RAB31: variants seen among roughly 807,000 people sequenced by gnomAD.
The protein encoded by RAB31 is ras-related protein Rab-31.
In RAB31, 21 loss-of-function variants were observed where a neutral mutation model predicts 25.6. The ratio of observed to expected loss-of-function variants is 0.82; its 90% CI spans 0.58 to 1.18. The LOEUF (loss-of-function observed/expected upper bound fraction) is 1.18, where lower values mean the gene tolerates loss of function less well. Among genes scored for constraint, RAB31 ranks in the 50% most tolerant of loss-of-function variants. The probability of loss-of-function intolerance (pLI) is 0.00; values close to 1 mark genes in which losing one functional copy is unlikely to be tolerated. For missense variants in RAB31, 196 were observed against 250.1 expected, an observed-to-expected ratio of 0.78 and a Z score of 1.46; for synonymous variants, 87 against 84.0, an observed-to-expected ratio of 1.04 and a Z score of -0.20.
chr18:9,814,140 C>CTA, intron 4 of RAB31, 49 bp downstream of exon 4: 2 of 1,381,266 alleles, frequency 1.4e-6, no homozygotes, highest in Non-Finnish European at 2.0e-6. Flanking sequence ...GTGGTTCTCT[C>CTA]ACTTAGAGAG....
At chr18:9,827,235 C>T (rs2068654321) in intron 5 of RAB31, among the ~76,000 whole-genome samples, 1 of 151,958 alleles carries the variant, frequency 6.6e-6, no homozygotes, top group East Asian at 1.9e-4. Context: ...TGAAATTCCA[C>T]CTCTCACTGG....
chr18:9,741,665 C>T (rs1385120847), intron 1 of RAB31, among the ~76,000 whole-genome samples: 1 of 152,186 alleles, frequency 6.6e-6, no homozygotes, highest in Non-Finnish European at 1.5e-5. Flanking sequence ...ATGTCCATGG[C>T]AGCCCTCGGC....
chr18:9,742,841 T>G (rs1599020538), intron 1 of RAB31, among the ~76,000 whole-genome samples: 1 of 152,314 alleles, frequency 6.6e-6, no homozygotes, highest in Non-Finnish European at 1.5e-5. Context: ...CGGCAGCAAG[T>G]GGCAGAGGGG....
intron 1 of RAB31, chr18:9,774,779 T>C (rs549064925): frequency 8.0e-6 from 4 of 497,516 alleles, no homozygotes; most frequent in South Asian, 5.9e-5. Context: ...AATTTGGAAG[T>C]TATTACCCAA....
intron 1 of RAB31, among the ~76,000 whole-genome samples, chr18:9,750,476 C>T (rs992447933): frequency 6.6e-6 from 1 of 152,170 alleles, no homozygotes; most frequent in Non-Finnish European, 1.5e-5. Flanking sequence ...GGAAGTCATT[C>T]TTAAATATAT....
chr18:9,857,006 G>A (rs1415094876), intron 6 of RAB31, among the ~76,000 whole-genome samples: 5 of 152,084 alleles, frequency 3.3e-5, no homozygotes, highest in Non-Finnish European at 5.9e-5. Context: ...TAAAAGAATA[G>A]CATGTCCAGA....
intron 5 of RAB31, among the ~76,000 whole-genome samples, chr18:9,829,381 G>C (rs578258882): frequency 2.6e-5 from 4 of 152,368 alleles, no homozygotes; most frequent in Admixed American, 6.5e-5. Flanking sequence ...CCTGATGGGG[G>C]TTAGCTGTGG....
chr18:9,764,233 T>C (rs1307696078), intron 1 of RAB31, among the ~76,000 whole-genome samples: 1 of 152,226 alleles, frequency 6.6e-6, no homozygotes, highest in East Asian at 1.9e-4. Flanking sequence ...ACCTCCTGCC[T>C]TTGATTCCTT....
At chr18:9,851,097 A>ATAATAGTCAGCAAGCTGTCAGGTG (rs1449793328) in intron 6 of RAB31, among the ~76,000 whole-genome samples, 5 of 152,194 alleles carry the variant, frequency 3.3e-5, no homozygotes, top group Non-Finnish European at 5.9e-5. Context: ...TGCAGATTTT[A>ATAATAGTCAGCAAGCTGTCAGGTG]TAATAGTCAG....
intron 3 of RAB31, among the ~76,000 whole-genome samples, chr18:9,810,053 G>A (rs1263920377): frequency 1.3e-5 from 2 of 152,154 alleles, no homozygotes; most frequent in African/African-American, 4.8e-5. Flanking sequence ...GACATAAACA[G>A]CTATTTCTTT....
chr18:9,815,103 A>C lies in RAB31; in HGVS notation c.274-13A>C, dbSNP rs1423469151. 8 of 1,495,160 alleles carry C rather than the reference A, an allele frequency of 5.4e-6. No homozygotes were observed. Among genetic ancestry groups the C allele is most frequent in the Non-Finnish European group, 7.3e-6 (8 of 1,095,682 alleles). The allele number at this position is 1,495,160 out of a possible 1,614,324, so 92.6% of individuals were successfully genotyped here. A position where few individuals can be genotyped will look rare whatever the true frequency, so the allele number is the denominator to read the frequency against. On this transcript the variant is annotated splice_polypyrimidine_tract_variant and intron_variant, in intron 4 of 6. Coordinates refer to ENST00000578921, the MANE Select transcript of RAB31 (RefSeq NM_006868.4). Reference sequence around the variant, plus strand: ...GGGGTCTTTCTAATGATTTGTGTACACTGTTGGTTTAGGATTCATTTTATA... The same window carrying C: ...GGGGTCTTTCTAATGATTTGTGTACCCTGTTGGTTTAGGATTCATTTTATA...
Position 9,862,386 on chromosome 18 carries a change from G to T in RAB31, c.*3061G>T, listed in dbSNP as rs2068852869. The T allele has an allele frequency of 6.6e-6, 1 of 152,178 alleles. No individual in the cohort carries two copies. Among genetic ancestry groups the T allele is most frequent in the Non-Finnish European group, 1.5e-5 (1 of 68,040 alleles). The allele number at this position is 152,178 out of a possible 1,614,324, so 9.4% of individuals were successfully genotyped here. ...GTTTTTGTAAAGAGCTTCCATCTGG[G>T]CTGGACCCAGTTCTTGCACATACAA... On this transcript the variant is annotated 3_prime_UTR_variant, in exon 7 of 7. Transcript: ENST00000578921.
intron 6 of RAB31, among the ~76,000 whole-genome samples, chr18:9,854,469 A>G (rs1342454682): frequency 1.3e-5 from 2 of 152,160 alleles, no homozygotes; most frequent in South Asian, 2.1e-4. Flanking sequence ...CCTGCCAAGC[A>G]TCTTCCACAG....
intron 1 of RAB31, among the ~76,000 whole-genome samples, chr18:9,755,414 G>A (rs8093221): frequency 6.6e-6 from 1 of 151,998 alleles, no homozygotes; most frequent in Non-Finnish European, 1.5e-5. Context: ...CAGGAGCTTC[G>A]TACTCTCTAG....
intron 1 of RAB31, among the ~76,000 whole-genome samples, chr18:9,752,892 A>G (rs2068242573): frequency 6.6e-6 from 1 of 152,224 alleles, no homozygotes; most frequent in Admixed American, 6.5e-5. Context: ...GCAGTGGTTC[A>G]TACAAGGCAC....
chr18:9,760,746 A>G (rs1439266090), intron 1 of RAB31, among the ~76,000 whole-genome samples: 1 of 152,194 alleles, frequency 6.6e-6, no homozygotes, highest in East Asian at 1.9e-4. Flanking sequence ...ACAGTTCCCA[A>G]GGCCCCCGCT....
chr18:9,801,565 G>T (rs185704141), intron 3 of RAB31, among the ~76,000 whole-genome samples: 53 of 152,294 alleles, frequency 3.5e-4, no homozygotes, highest in African/African-American at 1.1e-3. Context: ...ACAGGTGTAA[G>T]CCACCGTGCC....
chr18:9,724,894 T>C (rs887199454), intron 1 of RAB31, among the ~76,000 whole-genome samples: 3 of 152,198 alleles, frequency 2.0e-5, no homozygotes, highest in Non-Finnish European at 4.4e-5. Flanking sequence ...TAACAACTTG[T>C]TAATATTTCT....
In RAB31 at chr18:9,770,963, G is replaced by A. The variant is rs62081198; in HGVS notation, c.40-4315G>A. On this transcript the variant is annotated intron_variant, in intron 1 of 6. Transcript: ENST00000578921. ...GGATCATTTGAGCCTGGGAGTTTGC[G>A]TTAGCCTGCCCCACATAGCAAGACC... is the stretch of plus-strand genomic sequence containing the variant. 4.7e-3 allele frequency among the ~76,000 whole-genome samples: 719 copies of A among 151,390 alleles called. 2 individuals are homozygous for A. Among genetic ancestry groups the A allele is most frequent in the Non-Finnish European group, 7.3e-3 (496 of 67,930 alleles).
Sources: allele counts gnomAD v4.1 joint callset (sites outside exome capture counted in the v4.1 genomes callset), GRCh38; gene constraint gnomAD v4.1.1; transcripts MANE v1.5; gene names NCBI Gene and HGNC (gene_info 2026-07-23, HGNC 2026-07-21).